Variants in ZSCAN20 observed in about 807,000 individuals in gnomAD.
The protein encoded by ZSCAN20 is zinc finger and SCAN domain-containing protein 20.
Under a neutral mutation model 97.1 loss-of-function variants are expected in ZSCAN20, and 39 were observed. The observed-to-expected ratio is 0.40, with a 90% confidence interval of 0.31 to 0.52. The LOEUF (loss-of-function observed/expected upper bound fraction) is 0.52, where lower values mean the gene tolerates loss of function less well. Ranked by LOEUF, ZSCAN20 falls within the 20% of genes least tolerant of loss-of-function variation. The pLI, the probability that ZSCAN20 is intolerant of heterozygous loss-of-function variation, is 0.49. For synonymous variants in ZSCAN20, 456 were observed against 467.3 expected (o/e 0.98, Z 0.31); for missense variants, 1,115 against 1,290.4 (o/e 0.86, Z 2.08).
chr1:33,473,467 C>T (rs1331935145), intron 1 of ZSCAN20, among the ~76,000 whole-genome samples: 1 of 152,034 alleles, frequency 6.6e-6, no homozygotes, highest in Admixed American at 6.5e-5. Context: ...CATTGGCACC[C>T]AGCACCTGTA....
Position 33,495,386 on chromosome 1 carries a change from C to G in ZSCAN20, c.3042C>G (p.Pro1014=). 1 of 1,610,680 alleles carries G rather than the reference C, an allele frequency of 6.2e-7. No homozygotes were observed. ...AGAGAATCCACACAGGGGAGAAACCCTACAAGTGCACAGAGTGTGGCAAAG... is the reference window on the plus strand; with the variant it reads ...AGAGAATCCACACAGGGGAGAAACCGTACAAGTGCACAGAGTGTGGCAAAG... ...IHQRIHTGEK[P]YKCTECGKDF... is the part of the protein sequence containing the mutation. Residue 1014 remains proline (P), a synonymous_variant, in exon 8 of 8, where the codon CCC becomes CCG. Transcript: ENST00000684572.
rs770984127 is a variant in ZSCAN20, at chr1:33,495,864, T to C, written c.*388T>C. On this transcript the variant is annotated 3_prime_UTR_variant, in exon 8 of 8. Transcript: ENST00000684572. ...TGTAATCCACCCCATCAGCAGTGGT[T>C]CTCCTACTTTCTCAGTGGGGGCATA... 7.0e-5 allele frequency: 11 copies of C among 158,008 alleles called. No homozygotes were observed. Among genetic ancestry groups the C allele is most frequent in the Non-Finnish European group, 1.5e-4 (11 of 71,936 alleles). The allele number at this position is 158,008 out of a possible 1,614,324, so 9.8% of individuals were successfully genotyped here. A position where few individuals can be genotyped will look rare whatever the true frequency, so the allele number is the denominator to read the frequency against.
Position 33,498,429 on chromosome 1 carries a change from C to G in ZSCAN20, c.*2953C>G, listed in dbSNP as rs1652949271. Among the ~76,000 whole-genome samples, 1 of 152,212 alleles carries G rather than the reference C, an allele frequency of 6.6e-6. No homozygotes were observed. Among genetic ancestry groups the G allele is most frequent in the Non-Finnish European group, 1.5e-5 (1 of 68,038 alleles). On this transcript the variant is annotated 3_prime_UTR_variant, in exon 8 of 8. Coordinates refer to ENST00000684572, the MANE Select transcript of ZSCAN20 (RefSeq NM_001377376.1). ...AAAATGGCCCAGGTGGTCCCTTCCT[C>G]CTTGTCTACCTGACTTCCTTTGGAA...
chr1:33,496,219 C>A lies in ZSCAN20; in HGVS notation c.*743C>A, dbSNP rs905128333. The A allele has an allele frequency of 6.6e-6, 1 of 152,226 alleles. No individual in the cohort carries two copies. The highest frequency in any genetic ancestry group is 2.4e-5 in the African/African-American group (1 of 41,440). 9.4% of individuals were successfully genotyped at this position (152,226 alleles called of 1,614,324 possible). On this transcript the variant is annotated 3_prime_UTR_variant, in exon 8 of 8. Coordinates refer to ENST00000684572, the MANE Select transcript of ZSCAN20 (RefSeq NM_001377376.1). ...TTCAACAGATCTGTCTGTCTTGAGTCTATCGTGCTCTTATTGCTATACTGA... is the reference window on the plus strand; with the variant it reads ...TTCAACAGATCTGTCTGTCTTGAGTATATCGTGCTCTTATTGCTATACTGA...
intron 2 of ZSCAN20, among the ~76,000 whole-genome samples, chr1:33,486,428 G>A (rs1652369079): frequency 6.6e-6 from 1 of 152,152 alleles, no homozygotes; most frequent in African/African-American, 2.4e-5. Context: ...CCAATTTTGG[G>A]GAGAATGGTT....
intron 1 of ZSCAN20, among the ~76,000 whole-genome samples, chr1:33,474,640 C>T (rs1401631448): frequency 2.6e-5 from 4 of 152,176 alleles, no homozygotes; most frequent in Admixed American, 6.5e-5. Context: ...AGTGGCAAAG[C>T]GACAGCCCAT....
chr1:33,486,888 G>A (rs1652388413), intron 2 of ZSCAN20, among the ~76,000 whole-genome samples: 1 of 152,028 alleles, frequency 6.6e-6, no homozygotes, highest in Non-Finnish European at 1.5e-5. Context: ...ATTCCTATAT[G>A]TCTTCTCAAT....
At chr1:33,485,682 G>A (rs1216175023) in intron 2 of ZSCAN20, among the ~76,000 whole-genome samples, 2 of 152,056 alleles carry the variant, frequency 1.3e-5, no homozygotes, top group East Asian at 3.9e-4. Context: ...CAGAGTGCTG[G>A]GGTTACATGT....
Position 33,479,377 on chromosome 1 carries a change from G to A in ZSCAN20, c.89G>A (p.Trp30Ter). 6.2e-7 allele frequency: 1 copy of A among 1,614,246 alleles called. No individual in the cohort carries two copies. Among genetic ancestry groups the A allele is most frequent in the Non-Finnish European group, 8.5e-7 (1 of 1,180,024 alleles). ...LLIVKLEEDSWGSESKLWEKD... is the reference protein window; with the variant it reads ...LLIVKLEEDS The stretch of plus-strand genomic sequence containing the variant: ...ATTGTGAAACTGGAAGAGGACTCTT[G>A]GGGATCAGAATCCAAACTCTGGGAG... Residue 30 changes from tryptophan (W) to a stop codon, truncating the protein, a stop_gained, in exon 2 of 8, where the codon TGG becomes TAG. Transcript: ENST00000684572. LOFTEE classifies it high-confidence loss of function.
At chr1:33,477,561 C>A (rs1016272899) in intron 1 of ZSCAN20, among the ~76,000 whole-genome samples, 1 of 151,314 alleles carries the variant, frequency 6.6e-6, no homozygotes, top group African/African-American at 2.4e-5. Flanking sequence ...CATACAATGT[C>A]TCATACAGTG....
intron 2 of ZSCAN20, among the ~76,000 whole-genome samples, chr1:33,488,235 G>A (rs542680779): frequency 1.3e-5 from 2 of 152,146 alleles, no homozygotes; most frequent in South Asian, 4.2e-4. Flanking sequence ...TGAACAGTGG[G>A]ACTCTCATTG....
rs201540685 is a variant in ZSCAN20 at position 33,494,302 on chromosome 1, C to G, written c.1958C>G (p.Pro653Arg). ...EGLPGALSKCPTEAVCQPLDW... is the reference protein window; with the variant it reads ...EGLPGALSKCRTEAVCQPLDW... The stretch of plus-strand genomic sequence containing the variant: ...TTGCCTGGAGCCTTATCAAAATGTC[C>G]TACAGAAGCTGTTTGCCAACCTCTT... The change falls in exon 8 of 8, where the codon CCT (proline) becomes CGT (arginine). Residue 653 changes from proline (P) to arginine (R), a missense_variant. Physicochemically the swap from Pro to Arg is moderately radical, Grantham distance 103. Coordinates refer to ENST00000684572, the MANE Select transcript of ZSCAN20 (RefSeq NM_001377376.1). 23 of 1,613,998 alleles carry G rather than the reference C, an allele frequency of 1.4e-5. No individual in the cohort carries two copies. Among genetic ancestry groups the G allele is most frequent in the Admixed American group, 1.0e-4 (6 of 59,984 alleles).
At chr1:33,480,206 TAA>T in intron 2 of ZSCAN20, among the ~76,000 whole-genome samples, 1 of 152,216 alleles carries the variant, frequency 6.6e-6, no homozygotes, top group South Asian at 2.1e-4. Flanking sequence ...TTTTATAGAT[TAA>T]ACTAAGAGCC....
intron 2 of ZSCAN20, 21 bp downstream of exon 2, chr1:33,479,726 C>A: frequency 1.3e-6 from 2 of 1,485,188 alleles, no homozygotes; most frequent in East Asian, 2.4e-5. Flanking sequence ...CAGTCTTCTC[C>A]TGCAGAGGAG....
chr1:33,479,679 C>T lies in ZSCAN20; in HGVS notation c.391C>T (p.Arg131Ter), dbSNP rs999656787. 5.1e-6 allele frequency: 8 copies of T among 1,581,320 alleles called. No individual in the cohort carries two copies. The highest frequency in any genetic ancestry group is 3.9e-5 in the Admixed American group (2 of 51,900). The change falls in exon 2 of 8, where the codon CGA becomes TGA. Residue 131 changes from arginine to a stop codon, truncating the protein, a stop_gained. Transcript: ENST00000684572. LOFTEE classifies it high-confidence loss of function. ...EAVALVEDWH[R>*]ETRTAGQSGL... ...TGTGGCCTTGGTGGAGGATTGGCAC[C>T]GAGAGACCAGGACTGCAGGACAGTC...
At position 33,483,780 on chromosome 1, in the gene ZSCAN20, T is replaced by C. The variant is rs535827127; in HGVS notation, c.417+4075T>C. Among the ~76,000 whole-genome samples the C allele has an allele frequency of 4.6e-5, 7 of 152,322 alleles. No homozygotes were observed. In the East Asian group the frequency reaches 1.3e-3, roughly 29 times the overall value. ...TGATTTTGATTGGGTGTTGAATCTGTAGATCAAATTGGGAAAAGCTGACAT... is the reference window on the plus strand; with the variant it reads ...TGATTTTGATTGGGTGTTGAATCTGCAGATCAAATTGGGAAAAGCTGACAT... On this transcript the variant is annotated intron_variant, in intron 2 of 7. Transcript: ENST00000684572.
intron 1 of ZSCAN20, among the ~76,000 whole-genome samples, chr1:33,478,277 T>C (rs551748052): frequency 6.6e-6 from 1 of 152,056 alleles, no homozygotes; most frequent in Non-Finnish European, 1.5e-5. Context: ...GTGGAAGACA[T>C]GATGATTCTC....
rs764075103 is a variant in ZSCAN20 at position 33,495,470 on chromosome 1, G to A, written c.3126G>A (p.Ala1042=). The A allele has an allele frequency of 1.7e-5, 26 of 1,517,214 alleles. No individual in the cohort carries two copies. Among genetic ancestry groups the A allele is most frequent in the East Asian group, 2.3e-5 (1 of 44,038 alleles). 94.0% of individuals were successfully genotyped at this position (1,517,214 alleles called of 1,614,324 possible). Residue 1042 remains alanine, a synonymous_variant, in exon 8 of 8, where the codon GCG becomes GCA. Coordinates refer to ENST00000684572, the MANE Select transcript of ZSCAN20 (RefSeq NM_001377376.1). ...GGAGAACCCATGCAGGAGGGAAGGCGTCGTAGGGGACAGTTTCCTCAACAA... is the reference window on the plus strand; with the variant it reads ...GGAGAACCCATGCAGGAGGGAAGGCATCGTAGGGGACAGTTTCCTCAACAA... The part of the protein sequence containing the change: ...AHRRTHAGGK[A]S
At position 33,493,650 on chromosome 1, in the gene ZSCAN20, G is replaced by A; in HGVS notation, c.1873+35G>A. ...GAGTAATTGGATGTTCTCAAAATCT[G>A]TGGGCATGTGGAGAGAATGAGGAAG... On this transcript the variant is annotated intron_variant, in intron 7 of 7. Coordinates refer to ENST00000684572, the MANE Select transcript of ZSCAN20 (RefSeq NM_001377376.1). The surrounding 1 kb of genome is among the most constrained non-coding windows in gnomAD (Gnocchi z 4.3). 1 of 1,514,022 alleles carries A rather than the reference G, an allele frequency of 6.6e-7. No individual in the cohort carries two copies. Among genetic ancestry groups the A allele is most frequent in the Non-Finnish European group, 8.8e-7 (1 of 1,133,034 alleles). The allele number at this position is 1,514,022 out of a possible 1,614,324, so 93.8% of individuals were successfully genotyped here. A position where few individuals can be genotyped will look rare whatever the true frequency, so the allele number is the denominator to read the frequency against.
Sources: allele counts gnomAD v4.1 joint callset (sites outside exome capture counted in the v4.1 genomes callset), GRCh38; gene constraint gnomAD v4.1.1; non-coding constraint Gnocchi (gnomAD v3.1); transcripts MANE v1.5; gene names NCBI Gene and HGNC (gene_info 2026-07-23, HGNC 2026-07-21).